Variants in IQGAP3 observed in about 807,000 individuals in gnomAD.
IQGAP3 encodes the protein IQ motif containing GTPase activating protein 3, also known as ras GTPase-activating-like protein IQGAP3.
IQGAP3 carries 165 observed loss-of-function variants against 208.2 expected under a neutral mutation model. The observed-to-expected ratio is 0.79, with a 90% CI of 0.70 to 0.90. The LOEUF is 0.90. Ranked by LOEUF, IQGAP3 falls within the 40% of genes least tolerant of loss-of-function variation. The pLI, the probability that IQGAP3 is intolerant of heterozygous loss-of-function variation, is 0.00. For synonymous variants in IQGAP3, 703 were observed against 803.6 expected (o/e 0.87, Z 2.12); for missense variants, 1,811 against 2,043.1 (o/e 0.89, Z 2.19).
At chr1:156,553,644 C>T (rs1391388481) in intron 13 of IQGAP3, among the ~76,000 whole-genome samples, 2 of 142,782 alleles carry the variant, frequency 1.4e-5, no homozygotes, top group Non-Finnish European at 3.0e-5. Context: ...TGCAATGGTG[C>T]GATCTCGGCT....
chr1:156,539,280 CT>C (rs1276794593), intron 25 of IQGAP3, 93 bp downstream of exon 25: 1 of 1,222,816 alleles, frequency 8.2e-7, no homozygotes, highest in Non-Finnish European at 1.2e-6. Flanking sequence ...CATTTCTACC[CT>C]TAGGCCTCAA....
chr1:156,531,654 G>C (rs1242971357), intron 32 of IQGAP3, among the ~76,000 whole-genome samples: 2 of 148,908 alleles, frequency 1.3e-5, no homozygotes, highest in African/African-American at 5.0e-5. Flanking sequence ...ACCCAGGCTG[G>C]AGTGCAATGG....
intron 37 of IQGAP3, 127 bp downstream of exon 37, chr1:156,527,825 A>T: frequency 4.6e-6 from 3 of 653,526 alleles, no homozygotes; most frequent in Non-Finnish European, 8.2e-6. Context: ...GGAACAGACG[A>T]TACTGATTGG....
chr1:156,534,948 GT>G (rs1674620685), intron 28 of IQGAP3, among the ~76,000 whole-genome samples: 2 of 152,222 alleles, frequency 1.3e-5, no homozygotes, highest in Admixed American at 1.3e-4. Flanking sequence ...CAAGAAGCCA[GT>G]GTTGCCCACT....
intron 26 of IQGAP3, 144 bp downstream of exon 26, chr1:156,538,665 G>A (rs1674821855): frequency 3.1e-6 from 2 of 652,022 alleles, no homozygotes; most frequent in South Asian, 1.8e-5. Context: ...TGCCTACAAA[G>A]CTGGTGTCAT....
intron 3 of IQGAP3, 103 bp downstream of exon 3, chr1:156,566,287 C>G: frequency 7.5e-7 from 1 of 1,332,814 alleles, no homozygotes; most frequent in Non-Finnish European, 1.1e-6. Flanking sequence ...CCCTTTTATC[C>G]AGATTTGGAC....
chr1:156,541,918 G>A (rs1035862637), intron 22 of IQGAP3, among the ~76,000 whole-genome samples: 4 of 152,182 alleles, frequency 2.6e-5, no homozygotes, highest in Admixed American at 6.5e-5. Context: ...CCCAGATGTC[G>A]GTGAAAAGGA....
intron 32 of IQGAP3, among the ~76,000 whole-genome samples, chr1:156,532,775 C>A (rs971188402): frequency 2.6e-5 from 4 of 152,082 alleles, no homozygotes; most frequent in African/African-American, 9.7e-5. Flanking sequence ...ACTTTCAGTA[C>A]AACACAGAGC....
intron 9 of IQGAP3, 123 bp from the exon 10 acceptor site, chr1:156,562,124 G>C (rs1676181993): frequency 1.1e-6 from 1 of 921,804 alleles, no homozygotes; most frequent in African/African-American, 1.7e-5. Flanking sequence ...TTTCCCCCTT[G>C]GTTCCTGGGC....
At chr1:156,569,285 G>T (rs551140983) in intron 2 of IQGAP3, 91 bp downstream of exon 2, 2 of 785,684 alleles carry the variant, frequency 2.5e-6, no homozygotes, top group Non-Finnish European at 4.3e-6. Flanking sequence ...ATGGACTCTC[G>T]ATCTGTTGCA....
intron 34 of IQGAP3, among the ~76,000 whole-genome samples, chr1:156,529,438 A>G (rs1235270686): frequency 1.4e-5 from 2 of 145,802 alleles, no homozygotes; most frequent in Admixed American, 6.8e-5. Context: ...TGTGGGGAAG[A>G]AAAAAAAAAA....
Position 156,534,587 on chromosome 1 carries a change from G to A in IQGAP3, c.3654C>T (p.His1218=), listed in dbSNP as rs1448115990. The A allele has an allele frequency of 3.1e-6, 5 of 1,612,588 alleles. No individual in the cohort carries two copies. Among genetic ancestry groups the A allele is most frequent in the South Asian group, 1.1e-5 (1 of 90,930 alleles). Residue 1218 remains histidine, a synonymous_variant, in exon 29 of 38, where the codon CAC becomes CAT. Coordinates refer to ENST00000361170, the MANE Select transcript of IQGAP3 (RefSeq NM_178229.5). The part of the protein sequence containing the change: ...ALGAVAQLLQ[H]AAAGKAFSGQ... ...CAGAGAAGGCCTTGCCAGCCGCAGC[G>A]TGCTGTAGGAGCTGAGCCACAGCCC...
In IQGAP3 at chr1:156,525,762, G is replaced by C. The variant is rs1377205039; in HGVS notation, c.*724C>G. On this transcript the variant is annotated 3_prime_UTR_variant, in exon 38 of 38. Transcript: ENST00000361170. Reference sequence around the variant, plus strand: ...AAAAAAAAAAAAAAAAAATGAAAGCGTTAAAACCCTGATTAAGTCTGCACA... The same window carrying C: ...AAAAAAAAAAAAAAAAAATGAAAGCCTTAAAACCCTGATTAAGTCTGCACA... The C allele has an allele frequency of 2.7e-5, 3 of 109,516 alleles. No individual in the cohort carries two copies. Among genetic ancestry groups the C allele is most frequent in the Non-Finnish European group, 6.1e-5 (3 of 48,826 alleles). 6.8% of individuals were successfully genotyped at this position (109,516 alleles called of 1,614,324 possible).
At chr1:156,547,853 T>A (rs1055087723) in intron 19 of IQGAP3, among the ~76,000 whole-genome samples, 1 of 152,148 alleles carries the variant, frequency 6.6e-6, no homozygotes, top group African/African-American at 2.4e-5. Flanking sequence ...GTGAGGAAAC[T>A]GAGGGAGAGA....
At chr1:156,562,774 C>A (rs1676218764) in intron 8 of IQGAP3, 109 bp from the exon 9 acceptor site, 2 of 991,796 alleles carry the variant, frequency 2.0e-6, no homozygotes, top group African/African-American at 3.2e-5. Context: ...CTTCCCAAGG[C>A]CAAAGTTCAG....
intron 31 of IQGAP3, 128 bp downstream of exon 31, chr1:156,533,645 A>T (rs1384612448): frequency 4.4e-6 from 3 of 682,926 alleles, no homozygotes; most frequent in Non-Finnish European, 7.7e-6. Flanking sequence ...CCAGAGGGAG[A>T]GTATGGAACT....
chr1:156,548,572 G>C lies in IQGAP3; in HGVS notation c.1993+9C>G. ...GCAGCGAAGAGGAGGGTCAGGTTGG[G>C]GCCATTACCTGGACGCTGTTTCTTT... On this transcript the variant is annotated intron_variant, in intron 17 of 37. Coordinates refer to ENST00000361170, the MANE Select transcript of IQGAP3 (RefSeq NM_178229.5). 2 of 1,598,886 alleles carry C rather than the reference G, an allele frequency of 1.3e-6. No homozygotes were observed. Among genetic ancestry groups the C allele is most frequent in the East Asian group, 4.5e-5 (2 of 44,596 alleles).
chr1:156,534,412 C>T, intron 29 of IQGAP3, 89 bp downstream of exon 29: 1 of 1,095,034 alleles, frequency 9.1e-7, no homozygotes, highest in South Asian at 1.6e-5. Context: ...ATTTATGCCT[C>T]TTGTCCTCAT....
chr1:156,554,292 C>G lies in IQGAP3; in HGVS notation c.1391G>C (p.Ser464Thr). The G allele has an allele frequency of 6.2e-7, 1 of 1,614,094 alleles. No individual in the cohort carries two copies. The highest frequency in any genetic ancestry group is 8.5e-7 in the Non-Finnish European group (1 of 1,180,024). The stretch of plus-strand genomic sequence containing the variant: ...GCCTGTGGCAGGGTTCACCAGGCTG[C>G]TCCAGAAGCCACTGGCATCCCGGGC... ...LEARDASGFW[S>T]SLVNPATGLA... The change falls in exon 13 of 38, where the codon AGC becomes ACC. Residue 464 changes from serine (S) to threonine (T), a missense_variant. Ser to Thr is a moderately conservative substitution (Grantham distance 58, BLOSUM62 1). Coordinates refer to ENST00000361170, the MANE Select transcript of IQGAP3 (RefSeq NM_178229.5).
Sources: allele counts gnomAD v4.1 joint callset (sites outside exome capture counted in the v4.1 genomes callset), GRCh38; gene constraint gnomAD v4.1.1; transcripts MANE v1.5; gene names NCBI Gene and HGNC (gene_info 2026-07-23, HGNC 2026-07-21).